Variants in IQANK1 observed in about 807,000 individuals in gnomAD.
IQANK1 encodes IQ motif and ankyrin repeat domain-containing protein 1.
A neutral mutation model predicts 22.6 loss-of-function variants in IQANK1; 30 were observed. The ratio of observed to expected loss-of-function variants is 1.33; its 90% CI spans 0.99 to 1.80. The LOEUF (loss-of-function observed/expected upper bound fraction) is 1.80. IQANK1 is among the 40% of genes most tolerant of loss of function. IQANK1 has a pLI of 0.00. For missense variants in IQANK1, 275 were observed against 235.2 expected (o/e 1.17, Z -1.11); for synonymous variants, 122 against 99.6 (o/e 1.23, Z -1.34).
intron 7 of IQANK1, among the ~76,000 whole-genome samples, chr8:143,781,884 T>C (rs1164603536): frequency 6.6e-6 from 1 of 152,204 alleles, no homozygotes; most frequent in African/African-American, 2.4e-5. Flanking sequence ...AGGAATAGCG[T>C]CGAATCTGTA....
chr8:143,769,295 A>G (rs1819531330), intron 3 of IQANK1, among the ~76,000 whole-genome samples: 1 of 152,028 alleles, frequency 6.6e-6, no homozygotes, highest in African/African-American at 2.4e-5. Context: ...TCTGGGCTCA[A>G]GTGGTCCTCC....
At chr8:143,772,910 G>A (rs1183798429) in intron 7 of IQANK1, among the ~76,000 whole-genome samples, 2 of 152,184 alleles carry the variant, frequency 1.3e-5, no homozygotes, top group Non-Finnish European at 2.9e-5. Flanking sequence ...CCCACCCATC[G>A]GTCCCCTCAC....
chr8:143,751,469 G>A (rs541856493), intron 3 of IQANK1, among the ~76,000 whole-genome samples: 155 of 151,376 alleles, frequency 1.0e-3, no homozygotes, highest in Non-Finnish European at 1.9e-3. Flanking sequence ...AAAATTAGTC[G>A]GGTGTGGTGG....
intron 3 of IQANK1, among the ~76,000 whole-genome samples, chr8:143,749,314 AT>A (rs1453602358): frequency 9.8e-6 from 1 of 101,598 alleles, no homozygotes; most frequent in Non-Finnish European, 1.7e-5. Context: ...AAATATAAAA[AT>A]ATATATAAAA....
intron 7 of IQANK1, among the ~76,000 whole-genome samples, chr8:143,781,236 C>T (rs1312920283): frequency 6.6e-6 from 1 of 152,082 alleles, no homozygotes; most frequent in East Asian, 1.9e-4. Context: ...CTGTCAGATG[C>T]ATAGTTTGCA....
intron 3 of IQANK1, among the ~76,000 whole-genome samples, chr8:143,754,453 A>G (rs1195788180): frequency 4.6e-5 from 7 of 152,260 alleles, no homozygotes; most frequent in African/African-American, 1.7e-4. Flanking sequence ...GCAAGCTCCC[A>G]TGCTTGTTGA....
intron 3 of IQANK1, among the ~76,000 whole-genome samples, chr8:143,751,625 A>AGTGTGT (rs1554628034): frequency 7.3e-5 from 7 of 95,990 alleles, no homozygotes; most frequent in African/African-American, 2.2e-4. Flanking sequence ...AAAAAAAAAA[A>AGTGTGT]GTGTGTGTGT....
At chr8:143,786,961 G>A (rs1819901137) in intron 7 of IQANK1, among the ~76,000 whole-genome samples, 2 of 152,196 alleles carry the variant, frequency 1.3e-5, no homozygotes, top group African/African-American at 4.8e-5. Context: ...TACAGGACCA[G>A]GAGAGGGCGG....
intron 1 of IQANK1, among the ~76,000 whole-genome samples, chr8:143,734,937 C>T (rs1818689821): frequency 6.6e-6 from 1 of 152,006 alleles, no homozygotes; most frequent in African/African-American, 2.4e-5. Flanking sequence ...CCTCTTAGGC[C>T]CTGCCCTACA....
rs545228829 is a variant in IQANK1, at chr8:143,772,185, G to C, written c.605G>C (p.Gly202Ala). ...GNTPLSEAAA[G>A]GQPLAIQLRA... ...ACGCCGCTGTCGGAGGCGGCCGCAG[G>C]CGGGCAGCCCCTGGCCATCCAGCTG... is the stretch of plus-strand genomic sequence containing the variant. Residue 202 changes from glycine to alanine, a missense_variant, in exon 6 of 14, where the codon GGC (glycine) becomes GCC (alanine). Transcript: ENST00000527139. The C allele has an allele frequency of 1.3e-4, 50 of 393,848 alleles. 1 individual carries two copies. The South Asian group carries it at 5.5e-3, about 43-fold the overall frequency. 24.4% of individuals were successfully genotyped at this position (393,848 alleles called of 1,614,324 possible).
chr8:143,746,702 T>G (rs1223870627), intron 3 of IQANK1, among the ~76,000 whole-genome samples: 1 of 152,106 alleles, frequency 6.6e-6, no homozygotes, highest in African/African-American at 2.4e-5. Flanking sequence ...AGATGTTTGA[T>G]TACTGATTTA....
At chr8:143,743,858 A>G in intron 3 of IQANK1, 1 of 423,960 alleles carries the variant, frequency 2.4e-6, no homozygotes, top group Admixed American at 2.8e-5. Context: ...TTTTTTTTTG[A>G]GATGGAGTTT....
chr8:143,788,903 G>A lies in IQANK1; in HGVS notation c.790-12G>A, dbSNP rs1297745542. On this transcript the variant is annotated splice_polypyrimidine_tract_variant and intron_variant, in intron 7 of 13. Transcript: ENST00000527139. ...ACGCACTGAGGGCCCGACAAATGTCGTCTGTCACTAGGTGGCCTCACTGGA... is the reference window on the plus strand; with the variant it reads ...ACGCACTGAGGGCCCGACAAATGTCATCTGTCACTAGGTGGCCTCACTGGA... The A allele has an allele frequency of 2.0e-5, 8 of 398,974 alleles. No individual in the cohort carries two copies. The highest frequency in any genetic ancestry group is 1.3e-4 in the South Asian group (1 of 7,870). 24.7% of individuals were successfully genotyped at this position (398,974 alleles called of 1,614,324 possible). A position where few individuals can be genotyped will look rare whatever the true frequency, so the allele number is the denominator to read the frequency against.
At chr8:143,748,842 T>TATATATC (rs1819105408) in intron 3 of IQANK1, among the ~76,000 whole-genome samples, 1 of 109,928 alleles carries the variant, frequency 9.1e-6, no homozygotes, top group East Asian at 2.6e-4. Flanking sequence ...CATATATAAA[T>TATATATC]ATATAAATAT....
intron 11 of IQANK1, 42 bp from the exon 12 acceptor site, chr8:143,789,929 G>C: frequency 8.1e-7 from 1 of 1,231,938 alleles, no homozygotes; most frequent in Non-Finnish European, 1.0e-6. Context: ...GCGGGGTCCG[G>C]CGTCGGGCTT....
chr8:143,775,357 C>G (rs371962203), intron 7 of IQANK1, among the ~76,000 whole-genome samples: 6 of 118,796 alleles, frequency 5.1e-5, no homozygotes, highest in African/African-American at 1.1e-4. Flanking sequence ...CACACACAGA[C>G]ACACACACAC....
intron 3 of IQANK1, among the ~76,000 whole-genome samples, chr8:143,765,569 G>T (rs1587484340): frequency 1.3e-5 from 2 of 152,200 alleles, no homozygotes; most frequent in East Asian, 3.9e-4. Flanking sequence ...TCTGCCCATT[G>T]CTCTATGGAT....
At chr8:143,780,427 A>G (rs557401739) in intron 7 of IQANK1, among the ~76,000 whole-genome samples, 53 of 152,138 alleles carry the variant, frequency 3.5e-4, no homozygotes, top group Non-Finnish European at 6.6e-4. Flanking sequence ...TTTCCTCACC[A>G]GGAACTAAGC....
chr8:143,734,932 T>C (rs1563764621), intron 1 of IQANK1, among the ~76,000 whole-genome samples: 1 of 151,024 alleles, frequency 6.6e-6, no homozygotes, highest in Non-Finnish European at 1.5e-5. Flanking sequence ...CTCCCCCTCT[T>C]AGGCCCTGCC....
Sources: gnomAD v4.1 joint callset for allele counts (sites outside exome capture counted in the v4.1 genomes callset) on GRCh38, gnomAD v4.1.1 for gene constraint, MANE v1.5 for transcripts, NCBI Gene and HGNC (gene_info 2026-07-23, HGNC 2026-07-21) for gene names.